The following PREX1 variants were observed in gnomAD, a reference collection of about 807,000 sequenced individuals.
PREX1 encodes phosphatidylinositol-3,4,5-trisphosphate dependent Rac exchange factor 1, also known as phosphatidylinositol 3,4,5-trisphosphate-dependent Rac exchanger 1 protein.
A neutral mutation model predicts 198.3 loss-of-function variants in PREX1; 41 were observed. The observed-to-expected ratio is 0.21, with a 90% CI of 0.16 to 0.27. The LOEUF (loss-of-function observed/expected upper bound fraction) is 0.27. Ranked by LOEUF, PREX1 falls within the 10% of genes least tolerant of loss-of-function variation. PREX1 has a pLI of 1.00. For synonymous variants in PREX1, 843 were observed against 887.2 expected (o/e 0.95, Z 0.89); for missense variants, 1,620 against 2,200.7 (o/e 0.74, Z 5.28).
At chr20:48,676,331 C>A in intron 13 of PREX1, 63 bp from the exon 14 acceptor site, 1 of 1,470,678 alleles carries the variant, frequency 6.8e-7, no homozygotes, top group Non-Finnish European at 9.5e-7. Context: ...TGGGGGTGGT[C>A]CTGACTTCCC....
At chr20:48,810,201 C>T (rs2090427969) in intron 1 of PREX1, among the ~76,000 whole-genome samples, 1 of 152,114 alleles carries the variant, frequency 6.6e-6, no homozygotes, top group African/African-American at 2.4e-5. Context: ...CCTTAAAACA[C>T]ATAACCCTCT....
intron 5 of PREX1, among the ~76,000 whole-genome samples, chr20:48,716,604 G>A (rs559869960): frequency 6.6e-6 from 1 of 152,296 alleles, no homozygotes; most frequent in Admixed American, 6.5e-5. Flanking sequence ...GAGCTGCAGA[G>A]GTCTACTGCT....
chr20:48,653,432 C>T lies in PREX1; in HGVS notation c.2275G>A (p.Val759Met), dbSNP rs371255905. Residue 759 changes from valine (V) to methionine (M), a missense_variant, in exon 20 of 40, where the codon GTG (valine) becomes ATG (methionine). Around this residue, in one of 7 missense-constraint regions of PREX1, gnomAD observed 514 missense variants for 611.6 expected, o/e 0.84. Transcript: ENST00000371941. ...ACCTCAGGGGCACCATCGTTCATCACGTTGCTGCCATTGACCTTCAGAATG... is the reference window on the plus strand; with the variant it reads ...ACCTCAGGGGCACCATCGTTCATCATGTTGCTGCCATTGACCTTCAGAATG... ...QCILKVNGSNVMNDGAPEVLE... is the reference protein window; with the variant it reads ...QCILKVNGSNMMNDGAPEVLE... The T allele has an allele frequency of 2.4e-5, 39 of 1,613,842 alleles. No homozygotes were observed. Among genetic ancestry groups the T allele is most frequent in the Middle Eastern group, 3.3e-4 (2 of 6,084 alleles).
chr20:48,657,021 C>G lies in PREX1; in HGVS notation c.2123+19G>C. On this transcript the variant is annotated intron_variant, in intron 18 of 39. Coordinates refer to ENST00000371941, the MANE Select transcript of PREX1 (RefSeq NM_020820.4). Reference sequence around the variant, plus strand: ...CCTGAGAGGGAGGGCTGCCGGACACCCCGCCCTGGGACACTCACTCTTTGG... The same window carrying G: ...CCTGAGAGGGAGGGCTGCCGGACACGCCGCCCTGGGACACTCACTCTTTGG... 6.4e-7 allele frequency: 1 copy of G among 1,568,984 alleles called. No individual in the cohort carries two copies.
At chr20:48,639,105 A>G (rs2089388559) in intron 30 of PREX1, among the ~76,000 whole-genome samples, 1 of 152,260 alleles carries the variant, frequency 6.6e-6, no homozygotes, top group South Asian at 2.1e-4. Context: ...GGCAAGGGCC[A>G]GGCAGGTGAT....
intron 1 of PREX1, among the ~76,000 whole-genome samples, chr20:48,810,740 A>G (rs2090430318): frequency 6.6e-6 from 1 of 151,842 alleles, no homozygotes. Context: ...TACAAAAATT[A>G]GCCAGGCATG....
Position 48,659,928 on chromosome 20 carries a change from C to T in PREX1, c.1872G>A (p.Lys624=), listed in dbSNP as rs1309848520. 6.2e-7 allele frequency: 1 copy of T among 1,614,216 alleles called. No individual in the cohort carries two copies. Among genetic ancestry groups the T allele is most frequent in the Admixed American group, 1.7e-5 (1 of 60,032 alleles). ...DFKLVENILA[K]RLLILPQEED... ...TCAGCTGTGCTCCTACCAGCAGGCG[C>T]TTGGCCAGAATGTTCTCCACCAGCT... The change falls in exon 16 of 40, where the codon AAG becomes AAA. Residue 624 remains lysine (K), a synonymous_variant. Transcript: ENST00000371941.
chr20:48,850,398 T>C, the PREX1 span, among the ~76,000 whole-genome samples: 3 of 152,070 alleles, frequency 2.0e-5, no homozygotes, highest in African/African-American at 7.2e-5. Context: ...GGGGTAACGA[T>C]GTGGACCCAG....
chr20:48,885,814 G>A, the PREX1 span, among the ~76,000 whole-genome samples: 2 of 152,166 alleles, frequency 1.3e-5, no homozygotes, highest in African/African-American at 4.8e-5. Context: ...AGTCTGAAAG[G>A]CTACATCCTG....
At chr20:48,761,119 A>C (rs2090177274) in intron 1 of PREX1, among the ~76,000 whole-genome samples, 1 of 152,250 alleles carries the variant, frequency 6.6e-6, no homozygotes, top group Non-Finnish European at 1.5e-5. Flanking sequence ...ATTTGAGCAG[A>C]CACAGGGAGC....
At chr20:48,634,100 ATG>A (rs1199628619) in intron 33 of PREX1, among the ~76,000 whole-genome samples, 11 of 120,204 alleles carry the variant, frequency 9.2e-5, no homozygotes, top group South Asian at 2.9e-4. Flanking sequence ...GGATGGATGG[ATG>A]CATGGATGCC....
Position 48,690,955 on chromosome 20 carries a change from T to G in PREX1, c.1178A>C (p.Gln393Pro). 1 of 1,614,018 alleles carries G rather than the reference T, an allele frequency of 6.2e-7. No individual in the cohort carries two copies. Among genetic ancestry groups the G allele is most frequent in the Non-Finnish European group, 8.5e-7 (1 of 1,180,042 alleles). ...WLDAIIRERE[Q>P]RESLKLGMER... ...CCAAAGCTGCTGCTCACTCTCGCGC[T>G]GCTCCCGCTCGCGGATGATGGCATC... The change falls in exon 9 of 40, where the codon CAG becomes CCG. Residue 393 changes from glutamine (Q) to proline (P), a missense_variant. Transcript: ENST00000371941.
At chr20:48,841,656 G>A in the PREX1 span, among the ~76,000 whole-genome samples, 1 of 152,144 alleles carries the variant, frequency 6.6e-6, no homozygotes, top group Non-Finnish European at 1.5e-5. Context: ...TTAATTTAGA[G>A]GTGGTCTCAA....
chr20:48,821,670 G>C (rs1023175610), intron 1 of PREX1: 2 of 152,252 alleles, frequency 1.3e-5, no homozygotes, highest in African/African-American at 4.8e-5. Flanking sequence ...CTTTAAGGGA[G>C]AGCGGCTGTG....
chr20:48,798,971 A>C (rs2090374510), intron 1 of PREX1, among the ~76,000 whole-genome samples: 1 of 152,132 alleles, frequency 6.6e-6, no homozygotes, highest in South Asian at 2.1e-4. Flanking sequence ...ATCTCGGCTC[A>C]CTGAAACCTC....
intron 7 of PREX1, among the ~76,000 whole-genome samples, chr20:48,694,540 G>A (rs1363169751): frequency 6.6e-6 from 1 of 152,218 alleles, no homozygotes; most frequent in Non-Finnish European, 1.5e-5. Context: ...TAAACGCTCT[G>A]GTGAAGATAC....
the PREX1 span, among the ~76,000 whole-genome samples, chr20:48,850,755 G>A: frequency 6.6e-6 from 1 of 152,158 alleles, no homozygotes; most frequent in East Asian, 1.9e-4. Context: ...CAACATTTCT[G>A]CTGAATCTTT....
At chr20:48,783,667 C>T (rs888934838) in intron 1 of PREX1, among the ~76,000 whole-genome samples, 1 of 152,116 alleles carries the variant, frequency 6.6e-6, no homozygotes, top group Admixed American at 6.5e-5. Flanking sequence ...GCCCACAGCA[C>T]CCTGACACCG....
In PREX1 at chr20:48,700,840, G is replaced by A; in HGVS notation, c.830C>T (p.Thr277Ile). The A allele has an allele frequency of 6.2e-7, 1 of 1,614,192 alleles. No individual in the cohort carries two copies. Among genetic ancestry groups the A allele is most frequent in the Non-Finnish European group, 8.5e-7 (1 of 1,180,034 alleles). The change falls in exon 7 of 40, where the codon ACT (threonine) becomes ATT (isoleucine). Residue 277 changes from threonine to isoleucine, a missense_variant. Coordinates refer to ENST00000371941, the MANE Select transcript of PREX1 (RefSeq NM_020820.4). ...DICTQLLLQG[T>I]LLKISAGNIQ... ...GTTGCCCGCAGAGATCTTTAACAAA[G>A]TCCCTTGCAGGAGGAGCTGAGTGCA...
Sources: gnomAD v4.1 joint callset for allele counts (sites outside exome capture counted in the v4.1 genomes callset) on GRCh38, gnomAD v4.1.1 for gene constraint, gnomAD v4.1.1 regional missense constraint, MANE v1.5 for transcripts, NCBI Gene and HGNC (gene_info 2026-07-23, HGNC 2026-07-21) for gene names.